RORA: variants seen among roughly 807,000 people sequenced by gnomAD.
RORA encodes nuclear receptor ROR-alpha.
Under a neutral mutation model 69.5 loss-of-function variants are expected in RORA, and 7 were observed. The ratio of observed to expected loss-of-function variants is 0.10; its 90% CI spans 0.06 to 0.19. RORA has a LOEUF of 0.19. Among genes scored for constraint, RORA ranks in the 10% least tolerant of loss-of-function variants. The pLI is 1.00. For synonymous variants in RORA, 261 were observed against 240.8 expected (o/e 1.08, Z -0.78); for missense variants, 457 against 663.0 (o/e 0.69, Z 3.41).
In RORA at chr15:60,634,006, T is replaced by A. The variant is rs188815146; in HGVS notation, c.196+44651A>T. ...TGGCTGTGAAGTTACAAACTGAGTA[T>A]CCTTTTCAACGGCTTGTTGAAGCAA... On this transcript the variant is annotated intron_variant, in intron 2 of 10. Coordinates refer to ENST00000335670, the MANE Select transcript of RORA (RefSeq NM_134261.3). Among the ~76,000 whole-genome samples the A allele has an allele frequency of 4.7e-3, 716 of 152,270 alleles. 4 individuals carry two copies. Among genetic ancestry groups the A allele is most frequent in the Non-Finnish European group, 7.7e-3 (527 of 68,010 alleles).
chr15:60,527,393 T>C (rs1401141629), intron 3 of RORA, among the ~76,000 whole-genome samples: 1 of 152,218 alleles, frequency 6.6e-6, no homozygotes, highest in African/African-American at 2.4e-5. Context: ...CTCCTAACAC[T>C]TCATATTTTT....
intron 2 of RORA, among the ~76,000 whole-genome samples, chr15:60,656,760 G>A (rs991617613): frequency 1.3e-5 from 2 of 152,110 alleles, no homozygotes; most frequent in Non-Finnish European, 2.9e-5. Flanking sequence ...ATCAAATAAG[G>A]CCCTGAGTTA....
intron 1 of RORA, among the ~76,000 whole-genome samples, chr15:60,908,253 G>A (rs1468334287): frequency 6.6e-6 from 1 of 152,314 alleles, no homozygotes; most frequent in East Asian, 1.9e-4. Flanking sequence ...GTGTGGAGGG[G>A]GCGCTTTTGG....
chr15:60,929,393 A>G (rs985831492), intron 1 of RORA, among the ~76,000 whole-genome samples: 5 of 152,214 alleles, frequency 3.3e-5, no homozygotes, highest in Admixed American at 2.6e-4. Context: ...GTTGAGAGGA[A>G]GGCAGCGGGA....
chr15:60,889,356 G>C lies in RORA; in HGVS notation c.167-210670C>G, dbSNP rs1047236043. Among the ~76,000 whole-genome samples, 221 of 147,132 alleles carry C rather than the reference G, an allele frequency of 1.5e-3. 3 individuals carry two copies. The highest frequency in any genetic ancestry group is 8.2e-3 in the Admixed American group (122 of 14,870). On this transcript the variant is annotated intron_variant, in intron 1 of 10. Transcript: ENST00000335670. ...GACAGGGAAGGGAGTGGGGCGGGGG[G>C]GGGGGGAAGGAAATCCCCCCTTCTG...
intron 1 of RORA, among the ~76,000 whole-genome samples, chr15:61,007,870 CATTAGGATAAA>C (rs1894961121): frequency 6.8e-6 from 1 of 146,986 alleles, no homozygotes; most frequent in East Asian, 2.0e-4. Flanking sequence ...AAATATATAA[CATTAGGATAAA>C]ATTAGGATAA....
At chr15:60,927,749 G>C (rs767132418) in intron 1 of RORA, among the ~76,000 whole-genome samples, 2 of 152,168 alleles carry the variant, frequency 1.3e-5, no homozygotes, top group Non-Finnish European at 2.9e-5. Context: ...ACTCCAGCCT[G>C]GGTGACAGAG....
intron 3 of RORA, among the ~76,000 whole-genome samples, chr15:60,520,458 A>T (rs1344025880): frequency 1.3e-5 from 2 of 152,214 alleles, no homozygotes; most frequent in Non-Finnish European, 2.9e-5. Context: ...AACAGATAAG[A>T]TACTAAGAGT....
At chr15:61,140,092 T>C (rs2079284089) in intron 1 of RORA, among the ~76,000 whole-genome samples, 1 of 152,224 alleles carries the variant, frequency 6.6e-6, no homozygotes, top group South Asian at 2.1e-4. Flanking sequence ...ATGTACAATG[T>C]TGAACTTATT....
chr15:60,608,866 T>C (rs797004236), intron 2 of RORA, among the ~76,000 whole-genome samples: 1 of 152,214 alleles, frequency 6.6e-6, no homozygotes, highest in Admixed American at 6.5e-5. Flanking sequence ...AACCGGATCA[T>C]ATGATGTTGA....
chr15:60,593,157 CCAACCCTTGG>C, intron 2 of RORA: 2 of 304,162 alleles, frequency 6.6e-6, no homozygotes. Context: ...CTCCGCCCAC[CCAACCCTTGG>C]CAACCCTTGG....
intron 6 of RORA, among the ~76,000 whole-genome samples, chr15:60,504,834 T>C (rs1355931877): frequency 2.0e-5 from 3 of 152,188 alleles, no homozygotes; most frequent in African/African-American, 4.8e-5. Flanking sequence ...AATCTTAGTT[T>C]CAGACTGTTC....
chr15:61,159,374 G>A (rs2079474315), intron 1 of RORA, among the ~76,000 whole-genome samples: 1 of 152,098 alleles, frequency 6.6e-6, no homozygotes, highest in African/African-American at 2.4e-5. Flanking sequence ...CCCTGAAAAT[G>A]TACTTCCAAT....
At chr15:61,171,372 G>C (rs2079583624) in intron 1 of RORA, among the ~76,000 whole-genome samples, 1 of 152,152 alleles carries the variant, frequency 6.6e-6, no homozygotes, top group Non-Finnish European at 1.5e-5. Flanking sequence ...CAATGACCTG[G>C]AGAGCCTGCT....
At chr15:60,745,055 C>G (rs1241543879) in intron 1 of RORA, among the ~76,000 whole-genome samples, 2 of 152,210 alleles carry the variant, frequency 1.3e-5, no homozygotes, top group Non-Finnish European at 2.9e-5. Flanking sequence ...ATGGACGGCT[C>G]TTTCTGAAAG....
At chr15:60,716,615 G>A (rs775322912) in intron 1 of RORA, among the ~76,000 whole-genome samples, 3 of 152,110 alleles carry the variant, frequency 2.0e-5, no homozygotes, top group Non-Finnish European at 4.4e-5. Context: ...TGAGGCCTCA[G>A]GGACAGGTCT....
At position 60,627,149 on chromosome 15, in the gene RORA, G is replaced by T; in HGVS notation, c.196+51508C>A. Reference sequence around the variant, plus strand: ...ACTCGTCAGATATTCTTGGAGAACTGACTTTAAGCCAGACATTGGGTTGTG... The same window carrying T: ...ACTCGTCAGATATTCTTGGAGAACTTACTTTAAGCCAGACATTGGGTTGTG... On this transcript the variant is annotated intron_variant, in intron 2 of 10. Coordinates refer to ENST00000335670, the MANE Select transcript of RORA (RefSeq NM_134261.3). 3 of 1,159,732 alleles carry T rather than the reference G, an allele frequency of 2.6e-6. No individual in the cohort carries two copies. The South Asian group carries it at 4.0e-5, about 16-fold the overall frequency. 71.8% of individuals were successfully genotyped at this position (1,159,732 alleles called of 1,614,324 possible).
At chr15:60,765,581 C>T (rs980477861) in intron 1 of RORA, 4 of 152,084 alleles carry the variant, frequency 2.6e-5, no homozygotes, top group African/African-American at 4.8e-5. Flanking sequence ...TATCACGATT[C>T]GGATAAGGAT....
At chr15:60,682,804 G>T (rs1168688521) in intron 1 of RORA, among the ~76,000 whole-genome samples, 1 of 152,204 alleles carries the variant, frequency 6.6e-6, no homozygotes, top group African/African-American at 2.4e-5. Context: ...TCCTTCCCCA[G>T]AGATTCACAA....
Sources: gnomAD v4.1 joint callset for allele counts (sites outside exome capture counted in the v4.1 genomes callset) on GRCh38, gnomAD v4.1.1 for gene constraint, MANE v1.5 for transcripts, NCBI Gene and HGNC (gene_info 2026-07-23, HGNC 2026-07-21) for gene names.